The following RAG1 variants were observed in gnomAD, a reference collection of about 807,000 sequenced individuals.
The protein encoded by RAG1 is recombination activating 1, also known as V(D)J recombination-activating protein 1.
A neutral mutation model predicts 62.7 loss-of-function variants in RAG1; 35 were observed. That is an observed-to-expected ratio of 0.56 (90% CI 0.43 to 0.74). The LOEUF is 0.74. Among genes scored for constraint, RAG1 ranks in the 30% least tolerant of loss-of-function variants. The probability of loss-of-function intolerance (pLI) is 0.00; values close to 1 mark genes in which losing one functional copy is unlikely to be tolerated. For missense variants in RAG1, 1,169 were observed against 1,278.6 expected (o/e 0.91, Z 1.31); for synonymous variants, 461 against 470.3 (o/e 0.98, Z 0.26).
intron 1 of RAG1, among the ~76,000 whole-genome samples, chr11:36,518,893 T>A (rs1860035711): frequency 6.6e-6 from 1 of 152,334 alleles, no homozygotes; most frequent in South Asian, 2.1e-4. Flanking sequence ...TTGCTTTTGG[T>A]GTTTTAGACA....
At chr11:36,548,882 G>T (rs369653798) in intron 3 of RAG1, among the ~76,000 whole-genome samples, 4 of 152,174 alleles carry the variant, frequency 2.6e-5, no homozygotes, top group East Asian at 3.9e-4. Flanking sequence ...ATACTACAAG[G>T]CTACAGGAAC....
At chr11:36,517,746 A>G (rs1860015556) in intron 1 of RAG1, among the ~76,000 whole-genome samples, 1 of 152,214 alleles carries the variant, frequency 6.6e-6, no homozygotes, top group Admixed American at 6.5e-5. Context: ...CTTTCATCCC[A>G]ATTCCTGCCA....
At chr11:36,518,159 G>A (rs1285666700) in intron 1 of RAG1, among the ~76,000 whole-genome samples, 3 of 151,950 alleles carry the variant, frequency 2.0e-5, no homozygotes, top group Non-Finnish European at 4.4e-5. Context: ...TCCCTACAAA[G>A]GACATGAAAC....
downstream of RAG1, among the ~76,000 whole-genome samples, chr11:36,538,300 G>T (rs1860361373): frequency 6.6e-6 from 1 of 152,008 alleles, no homozygotes; most frequent in Admixed American, 6.6e-5. Flanking sequence ...ACCATTCAGG[G>T]TGCCATCCAG....
chr11:36,569,394 G>A (rs754888081), intron 1 of RAG1, among the ~76,000 whole-genome samples: 24 of 152,220 alleles, frequency 1.6e-4, no homozygotes, highest in Non-Finnish European at 3.2e-4. Flanking sequence ...TTTGTTAGAA[G>A]AGAGGAGATC....
chr11:36,541,332 T>C (rs942221994), intron 3 of RAG1, among the ~76,000 whole-genome samples: 3 of 152,232 alleles, frequency 2.0e-5, no homozygotes, highest in African/African-American at 7.2e-5. Flanking sequence ...TCATATTCTT[T>C]GGTGCTTCAC....
At chr11:36,562,020 T>C (rs560592559) in intron 3 of RAG1, among the ~76,000 whole-genome samples, 1 of 152,130 alleles carries the variant, frequency 6.6e-6, no homozygotes, top group Non-Finnish European at 1.5e-5. Flanking sequence ...GGAGAAAAGA[T>C]GGAAAAGGCA....
At chr11:36,531,592 A>G (rs1210401805) in intron 2 of RAG1, among the ~76,000 whole-genome samples, 3 of 152,044 alleles carry the variant, frequency 2.0e-5, no homozygotes, top group Non-Finnish European at 4.4e-5. Context: ...AGCGTAATGT[A>G]GAAAACGTAA....
At chr11:36,536,699 A>C (rs944164127), downstream of RAG1, among the ~76,000 whole-genome samples, 2 of 151,248 alleles carry the variant, frequency 1.3e-5, no homozygotes, top group African/African-American at 4.8e-5. Flanking sequence ...AAATATTTAT[A>C]TTTTATAAAG....
At chr11:36,561,016 A>G (rs780888661) in intron 3 of RAG1, among the ~76,000 whole-genome samples, 1 of 152,170 alleles carries the variant, frequency 6.6e-6, no homozygotes, top group African/African-American at 2.4e-5. Flanking sequence ...CATCTTGTTG[A>G]CAACATCTTC....
intron 2 of RAG1, among the ~76,000 whole-genome samples, chr11:36,530,074 C>T (rs1860230166): frequency 6.6e-6 from 1 of 151,804 alleles, no homozygotes; most frequent in African/African-American, 2.4e-5. Flanking sequence ...GGAATTAGTC[C>T]ATTTTCGTCT....
chr11:36,519,171 T>C (rs991973678), intron 1 of RAG1, among the ~76,000 whole-genome samples: 1 of 152,132 alleles, frequency 6.6e-6, no homozygotes, highest in East Asian at 1.9e-4. Context: ...TTTTTTGTTG[T>C]TTTCTGCACC....
intron 3 of RAG1, among the ~76,000 whole-genome samples, chr11:36,559,737 C>G (rs896330626): frequency 1.3e-5 from 2 of 151,982 alleles, no homozygotes; most frequent in Non-Finnish European, 2.9e-5. Context: ...GTATCTGTCT[C>G]TTTGTTGAAT....
At chr11:36,569,031 T>C (rs1384558724) in intron 1 of RAG1, among the ~76,000 whole-genome samples, 1 of 152,156 alleles carries the variant, frequency 6.6e-6, no homozygotes, top group Non-Finnish European at 1.5e-5. Flanking sequence ...ACTTGGAAAT[T>C]GTGTACAGAC....
intron 1 of RAG1, among the ~76,000 whole-genome samples, chr11:36,519,307 A>G (rs1315948916): frequency 1.3e-5 from 2 of 152,222 alleles, no homozygotes; most frequent in Non-Finnish European, 2.9e-5. Context: ...AGTGCCAAAA[A>G]TCGTATTCCG....
At chr11:36,535,669 T>G (rs1485557726) in intron 2 of RAG1, among the ~76,000 whole-genome samples, 2 of 152,170 alleles carry the variant, frequency 1.3e-5, no homozygotes, top group East Asian at 3.9e-4. Context: ...CACTTGAACC[T>G]GGGAGGTGGA....
At chr11:36,547,121 C>T (rs1327521243) in intron 3 of RAG1, among the ~76,000 whole-genome samples, 1 of 151,072 alleles carries the variant, frequency 6.6e-6, no homozygotes, top group Non-Finnish European at 1.5e-5. Flanking sequence ...TAGGTTGGAG[C>T]TAAAGCAGTG....
In RAG1 at chr11:36,576,184, A is replaced by G. The variant is rs1980131; in HGVS notation, c.2880A>G (p.Ala960=). The change falls in exon 2 of 2, where the codon GCA becomes GCG. Residue 960 remains alanine (A), a synonymous_variant. Transcript: ENST00000299440. ...IERDGSIGAW[A]SEGNESGNKL... ...GGGATGGCTCCATTGGGGCATGGGC[A>G]AGTGAGGGAAATGAGTCTGGTAACA... 118,899 of 1,614,052 alleles carry G rather than the reference A, an allele frequency of 0.074. 4,600 individuals carry two copies. Among genetic ancestry groups the G allele is most frequent in the Middle Eastern group, 0.099 (600 of 6,062 alleles).
Position 36,578,334 on chromosome 11 carries a change from A to C in RAG1, c.*1898A>C, listed in dbSNP as rs1419225278. 6.0e-6 allele frequency: 1 copy of C among 166,780 alleles called. No individual in the cohort carries two copies. The highest frequency in any genetic ancestry group is 6.5e-5 in the Admixed American group (1 of 15,284). The allele number at this position is 166,780 out of a possible 1,614,324, so 10.3% of individuals were successfully genotyped here. A position where few individuals can be genotyped will look rare whatever the true frequency, so the allele number is the denominator to read the frequency against. The stretch of plus-strand genomic sequence containing the variant: ...GTCATTTCTAATTTAGTTGTCAAAA[A>C]CATATACATATTTTAACATTAGTTT... On this transcript the variant is annotated 3_prime_UTR_variant, in exon 2 of 2. Coordinates refer to ENST00000299440, the MANE Select transcript of RAG1 (RefSeq NM_000448.3).
Sources: allele counts gnomAD v4.1 joint callset (sites outside exome capture counted in the v4.1 genomes callset), GRCh38; gene constraint gnomAD v4.1.1; transcripts MANE v1.5; gene names NCBI Gene and HGNC (gene_info 2026-07-23, HGNC 2026-07-21).